The following NTM variants were observed in gnomAD, a reference collection of about 807,000 sequenced individuals.
NTM encodes the protein IgLON family member 2.
In NTM, 13 loss-of-function variants were observed where a neutral mutation model predicts 42.1. The ratio of observed to expected loss-of-function variants is 0.31; its 90% CI spans 0.20 to 0.49. The LOEUF is 0.49. NTM is among the 20% of genes least tolerant of loss of function. The pLI is 0.99. For synonymous variants in NTM, 187 were observed against 179.2 expected, an observed-to-expected ratio of 1.04 and a Z score of -0.35; for missense variants, 373 against 452.8, an observed-to-expected ratio of 0.82 and a Z score of 1.60.
intron 2 of NTM, among the ~76,000 whole-genome samples, chr11:132,071,600 G>A (rs1209667682): frequency 6.6e-6 from 1 of 152,154 alleles, no homozygotes; most frequent in Non-Finnish European, 1.5e-5. Flanking sequence ...GTGTGGGGAA[G>A]GGCATGGTAA....
At chr11:131,544,763 A>G (rs1358258997) in intron 1 of NTM, among the ~76,000 whole-genome samples, 3 of 152,172 alleles carry the variant, frequency 2.0e-5, no homozygotes, top group Admixed American at 6.5e-5. Context: ...ACCTGTGAAG[A>G]GTGGACGTGT....
chr11:132,281,369 T>C (rs2093964964), intron 4 of NTM, among the ~76,000 whole-genome samples: 2 of 152,228 alleles, frequency 1.3e-5, no homozygotes, highest in South Asian at 4.1e-4. Context: ...AGTGTCTAGG[T>C]AATCAATTCT....
At chr11:131,381,854 C>G (rs916812725) in intron 1 of NTM, among the ~76,000 whole-genome samples, 1 of 152,182 alleles carries the variant, frequency 6.6e-6, no homozygotes, top group African/African-American at 2.4e-5. Context: ...AAAAATTCTC[C>G]TGGCACAGGT....
At chr11:132,192,033 C>T (rs1260083992) in intron 3 of NTM, among the ~76,000 whole-genome samples, 1 of 152,018 alleles carries the variant, frequency 6.6e-6, no homozygotes, top group Non-Finnish European at 1.5e-5. Flanking sequence ...GAGACCAAAC[C>T]TACAACTCAT....
intron 2 of NTM, among the ~76,000 whole-genome samples, chr11:132,080,908 TGTACCCA>T (rs2058957921): frequency 6.6e-6 from 1 of 152,252 alleles, no homozygotes; most frequent in South Asian, 2.1e-4. Context: ...GTTCCTGATA[TGTACCCA>T]GTCCAGTGCT....
chr11:131,931,843 C>T (rs1017931786), intron 2 of NTM, among the ~76,000 whole-genome samples: 1 of 152,110 alleles, frequency 6.6e-6, no homozygotes, highest in South Asian at 2.1e-4. Context: ...AGGGCCAGGG[C>T]GGCTGTGCCA....
At chr11:132,265,111 G>T (rs958680204) in intron 4 of NTM, among the ~76,000 whole-genome samples, 1 of 152,164 alleles carries the variant, frequency 6.6e-6, no homozygotes, top group Non-Finnish European at 1.5e-5. Context: ...TGGAGACTTG[G>T]AGCAAATAAT....
intron 4 of NTM, among the ~76,000 whole-genome samples, chr11:132,270,336 A>T (rs947008591): frequency 1.3e-5 from 2 of 151,876 alleles, no homozygotes; most frequent in African/African-American, 4.8e-5. Context: ...GGTTCAAGCG[A>T]TTCTCTCACC....
chr11:131,764,307 G>C (rs2084758731), intron 1 of NTM, among the ~76,000 whole-genome samples: 1 of 152,130 alleles, frequency 6.6e-6, no homozygotes, highest in Admixed American at 6.5e-5. Flanking sequence ...TAGAACACCA[G>C]ATGGAACCGG....
intron 2 of NTM, among the ~76,000 whole-genome samples, chr11:131,933,470 A>G (rs1207092260): frequency 6.6e-6 from 1 of 152,152 alleles, no homozygotes; most frequent in Non-Finnish European, 1.5e-5. Flanking sequence ...ACATTCATTT[A>G]TCTAGGTTAA....
At chr11:131,980,246 G>A (rs1445457317) in intron 2 of NTM, among the ~76,000 whole-genome samples, 3 of 152,168 alleles carry the variant, frequency 2.0e-5, no homozygotes, top group East Asian at 1.9e-4. Flanking sequence ...ACATTAAGTC[G>A]GCTTTCAGCA....
At chr11:132,029,519 G>A (rs544171645) in intron 2 of NTM, among the ~76,000 whole-genome samples, 1 of 151,946 alleles carries the variant, frequency 6.6e-6, no homozygotes, top group Non-Finnish European at 1.5e-5. Flanking sequence ...CTTTCGGTTT[G>A]GTCAGCTTTT....
chr11:131,585,950 TTC>T, intron 1 of NTM, among the ~76,000 whole-genome samples: 1 of 152,204 alleles, frequency 6.6e-6, no homozygotes, highest in East Asian at 1.9e-4. Flanking sequence ...TCCCCACAAG[TTC>T]TCTCTGCTAA....
chr11:131,479,232 C>A (rs1953283382), intron 1 of NTM, among the ~76,000 whole-genome samples: 1 of 152,152 alleles, frequency 6.6e-6, no homozygotes, highest in Non-Finnish European at 1.5e-5. Flanking sequence ...GAAAAATGTA[C>A]AACAGGCAAT....
At chr11:131,929,130 AGAG>A (rs1291148886) in intron 2 of NTM, among the ~76,000 whole-genome samples, 49 of 152,076 alleles carry the variant, frequency 3.2e-4, no homozygotes, top group African/African-American at 1.2e-3. Flanking sequence ...AATGCTCTGA[AGAG>A]GAGAGCGGCA....
intron 1 of NTM, among the ~76,000 whole-genome samples, chr11:131,834,638 A>ATATATATATATATATATATATC: frequency 6.8e-6 from 1 of 147,166 alleles, no homozygotes; most frequent in South Asian, 2.1e-4. Flanking sequence ...ATATATATAT[A>ATATATATATATATATATATATC]TATATATGTA....
rs767253443 is a variant in NTM at position 132,212,092 on chromosome 11, C to T, written c.471C>T (p.Cys157=). 1 of 1,613,830 alleles carries T rather than the reference C, an allele frequency of 6.2e-7. No homozygotes were observed. Among genetic ancestry groups the T allele is most frequent in the Admixed American group, 1.7e-5 (1 of 60,008 alleles). The change falls in exon 4 of 9, where the codon TGC becomes TGT. Residue 157 remains cysteine (C), a synonymous_variant. Transcript: ENST00000683400. ...AAGGGAACAATATTAGCCTCACCTG[C>T]ATAGCAACTGGTAGACCAGAGCCTA... The part of the protein sequence containing the change: ...INEGNNISLT[C]IATGRPEPTV...
At chr11:131,631,863 A>C (rs2063692658) in intron 1 of NTM, among the ~76,000 whole-genome samples, 1 of 152,170 alleles carries the variant, frequency 6.6e-6, no homozygotes, top group African/African-American at 2.4e-5. Context: ...ACACTGCTCT[A>C]ATATCATCTA....
chr11:131,689,056 A>G (rs1224161335), intron 1 of NTM, among the ~76,000 whole-genome samples: 4 of 150,462 alleles, frequency 2.7e-5, no homozygotes, highest in African/African-American at 5.0e-5. Context: ...AACGAGAGCT[A>G]CCAATAAATT....
Sources: allele counts gnomAD v4.1 joint callset (sites outside exome capture counted in the v4.1 genomes callset), GRCh38; gene constraint gnomAD v4.1.1; transcripts MANE v1.5; gene names NCBI Gene and HGNC (gene_info 2026-07-23, HGNC 2026-07-21).